The following MLXIP variants were observed in gnomAD, a reference collection of about 807,000 sequenced individuals.
The protein encoded by MLXIP is MLX-interacting protein.
In MLXIP, 30 loss-of-function variants were observed where a neutral mutation model predicts 87.2. That is an observed-to-expected ratio of 0.34 (90% CI 0.26 to 0.47). The LOEUF (loss-of-function observed/expected upper bound fraction) is 0.47. Among genes scored for constraint, MLXIP ranks in the 20% least tolerant of loss-of-function variants. The pLI is 1.00. For missense variants in MLXIP, 1,002 were observed against 1,240.1 expected (o/e 0.81, Z 2.88); for synonymous variants, 530 against 514.0 (o/e 1.03, Z -0.42).
Position 122,137,331 on chromosome 12 carries a change from T to C in MLXIP, c.2033-138T>C, listed in dbSNP as rs547212677. 7.3e-6 allele frequency: 6 copies of C among 817,686 alleles called. No homozygotes were observed. The highest frequency in any genetic ancestry group is 9.2e-6 in the Non-Finnish European group (5 of 546,002). The allele number at this position is 817,686 out of a possible 1,614,324, so 50.7% of individuals were successfully genotyped here. A position where few individuals can be genotyped will look rare whatever the true frequency, so the allele number is the denominator to read the frequency against. On this transcript the variant is annotated intron_variant, in intron 11 of 16. Transcript: ENST00000319080. The surrounding 1 kb of genome is among the most constrained non-coding windows in gnomAD (Gnocchi z 4.1). ...TGAATAAGAATAATCTAAGGAAGCA[T>C]GTGTGTGCAGTTGAAAGAACCAAGT...
At chr12:122,090,264 G>C (rs1421829834) in intron 1 of MLXIP, among the ~76,000 whole-genome samples, 2 of 152,172 alleles carry the variant, frequency 1.3e-5, no homozygotes, top group African/African-American at 4.8e-5. Context: ...GCGAGGCCGA[G>C]GCAGGCAGAT....
chr12:122,123,913 C>T (rs562601823), intron 1 of MLXIP, among the ~76,000 whole-genome samples: 2 of 152,178 alleles, frequency 1.3e-5, no homozygotes, highest in Admixed American at 6.5e-5. Flanking sequence ...GTTCTGCTCA[C>T]TGGGGCCACC....
At chr12:122,124,019 C>G (rs1952827129) in intron 1 of MLXIP, among the ~76,000 whole-genome samples, 1 of 152,182 alleles carries the variant, frequency 6.6e-6, no homozygotes, top group Non-Finnish European at 1.5e-5. Flanking sequence ...AGAAAGCCTC[C>G]CCTCACTGCT....
chr12:122,079,240 C>G lies in MLXIP; in HGVS notation c.387C>G (p.Leu129=). The G allele has an allele frequency of 1.9e-6, 3 of 1,551,058 alleles. No individual in the cohort carries two copies. Among genetic ancestry groups the G allele is most frequent in the Non-Finnish European group, 2.6e-6 (3 of 1,146,678 alleles). Residue 129 remains leucine, a synonymous_variant, in exon 1 of 17, where the codon CTC becomes CTG. Coordinates refer to ENST00000319080, the MANE Select transcript of MLXIP (RefSeq NM_014938.6). ...CCATCGACGCCTCGCTCACCAAGCT[C>G]TTCGAGTGCATGACTTTGGCCTACA... is the stretch of plus-strand genomic sequence containing the variant. The part of the protein sequence containing the change: ...HLSIDASLTK[L]FECMTLAYSG...
chr12:122,086,170 C>T (rs958657076), intron 1 of MLXIP, among the ~76,000 whole-genome samples: 5 of 152,174 alleles, frequency 3.3e-5, no homozygotes, highest in East Asian at 3.9e-4. Flanking sequence ...CTGGGAAGAA[C>T]GCAGCCCTGC....
intron 8 of MLXIP, 26 bp downstream of exon 8, chr12:122,132,409 G>C: frequency 6.4e-7 from 1 of 1,573,724 alleles, no homozygotes; most frequent in Non-Finnish European, 8.7e-7. Context: ...GGATGGGTGG[G>C]GGAAGGGGCT....
chr12:122,090,264 G>A (rs1421829834), intron 1 of MLXIP, among the ~76,000 whole-genome samples: 1 of 152,172 alleles, frequency 6.6e-6, no homozygotes, highest in Non-Finnish European at 1.5e-5. Context: ...GCGAGGCCGA[G>A]GCAGGCAGAT....
intron 1 of MLXIP, among the ~76,000 whole-genome samples, chr12:122,097,628 G>C (rs560241378): frequency 7.1e-6 from 1 of 140,930 alleles, no homozygotes; most frequent in South Asian, 2.3e-4. Context: ...AAAAAAAAAA[G>C]TAATTAATTA....
At chr12:122,138,390 G>A in intron 13 of MLXIP, 34 bp from the exon 14 acceptor site, 2 of 1,611,168 alleles carry the variant, frequency 1.2e-6, no homozygotes, top group Non-Finnish European at 1.7e-6. Flanking sequence ...TGCTGGCTGT[G>A]GGTGCTGCCT....
At position 122,142,082 on chromosome 12, in the gene MLXIP, A is replaced by G; in HGVS notation, c.*270A>G. The G allele has an allele frequency of 2.9e-6, 2 of 691,056 alleles. No individual in the cohort carries two copies. The highest frequency in any genetic ancestry group is 2.7e-5 in the East Asian group (1 of 37,070). 42.8% of individuals were successfully genotyped at this position (691,056 alleles called of 1,614,324 possible). A position where few individuals can be genotyped will look rare whatever the true frequency, so the allele number is the denominator to read the frequency against. Reference sequence around the variant, plus strand: ...ACCTCCTCTGCCCTCGGGGCAGCCCACACAAAAGGGAAGTGCTGGCCGTGC... The same window carrying G: ...ACCTCCTCTGCCCTCGGGGCAGCCCGCACAAAAGGGAAGTGCTGGCCGTGC... On this transcript the variant is annotated 3_prime_UTR_variant, in exon 17 of 17. Transcript: ENST00000319080.
intron 1 of MLXIP, among the ~76,000 whole-genome samples, chr12:122,101,912 A>G (rs958888008): frequency 6.6e-6 from 1 of 152,174 alleles, no homozygotes; most frequent in Non-Finnish European, 1.5e-5. Context: ...TTTAGCTTTT[A>G]CATTTAGGAT....
chr12:122,085,315 G>A lies in MLXIP; in HGVS notation c.413+6049G>A, dbSNP rs566999786. On this transcript the variant is annotated intron_variant, in intron 1 of 16. Coordinates refer to ENST00000319080, the MANE Select transcript of MLXIP (RefSeq NM_014938.6). Reference sequence around the variant, plus strand: ...TTTGACTTCCGCGCTAAGCCTAACAGCTTCGGCACATCCTAGGAGATTAAG... The same window carrying A: ...TTTGACTTCCGCGCTAAGCCTAACAACTTCGGCACATCCTAGGAGATTAAG... 5.9e-5 allele frequency among the ~76,000 whole-genome samples: 9 copies of A among 152,264 alleles called. No individual in the cohort carries two copies. In the East Asian group the frequency reaches 1.7e-3, roughly 29 times the overall value.
In MLXIP at chr12:122,113,681, C is replaced by T. The variant is rs866546095; in HGVS notation, c.414-13575C>T. Reference sequence around the variant, plus strand: ...ACAGTCCATATAACTGCCTTCATTTCTTTTTTTTTTTTTTTTTTTTTGAGA... The same window carrying T: ...ACAGTCCATATAACTGCCTTCATTTTTTTTTTTTTTTTTTTTTTTTTGAGA... On this transcript the variant is annotated intron_variant, in intron 1 of 16. Transcript: ENST00000319080. 2.1e-3 allele frequency among the ~76,000 whole-genome samples: 216 copies of T among 100,600 alleles called. 2 individuals carry two copies. Among genetic ancestry groups the T allele is most frequent in the Middle Eastern group, 0.011 (1 of 94 alleles). 66.0% of individuals were successfully genotyped at this position (100,600 alleles called of 152,430 possible).
rs1953144522 is a variant in MLXIP, at chr12:122,138,865, A to C, written c.2435A>C (p.Gln812Pro). The change falls in exon 15 of 17, where the codon CAG becomes CCG. Residue 812 changes from glutamine (Q) to proline (P), a missense_variant. Coordinates refer to ENST00000319080, the MANE Select transcript of MLXIP (RefSeq NM_014938.6). ...PATGVPVTRR[Q>P]FDHMKDMFDE... ...ACGGGAGTCCCCGTTACCCGGCGCCAGTTTGATCACATGAAAGACATGTTT... is the reference window on the plus strand; with the variant it reads ...ACGGGAGTCCCCGTTACCCGGCGCCCGTTTGATCACATGAAAGACATGTTT... 2 of 1,613,892 alleles carry C rather than the reference A, an allele frequency of 1.2e-6. No homozygotes were observed. Among genetic ancestry groups the C allele is most frequent in the Non-Finnish European group, 1.7e-6 (2 of 1,179,898 alleles).
rs749246326 is a variant in MLXIP at position 122,133,875 on chromosome 12, C to T, written c.1620C>T (p.His540=). 9 of 1,612,384 alleles carry T rather than the reference C, an allele frequency of 5.6e-6. No homozygotes were observed. Among genetic ancestry groups the T allele is most frequent in the Non-Finnish European group, 7.6e-6 (9 of 1,179,362 alleles). ...RPPQPRLTFV[H]PKPVSLTGGR... ...CCCAGCCACGGTTAACTTTTGTGCA[C>T]CCCAAACCTGTATCCTTGACTGGGG... The change falls in exon 9 of 17, where the codon CAC becomes CAT. Residue 540 remains histidine, a synonymous_variant. Coordinates refer to ENST00000319080, the MANE Select transcript of MLXIP (RefSeq NM_014938.6). The surrounding 1 kb of genome is among the most constrained non-coding windows in gnomAD (Gnocchi z 4.9).
At position 122,137,253 on chromosome 12, in the gene MLXIP, G is replaced by T; in HGVS notation, c.2033-216G>T. On this transcript the variant is annotated intron_variant, in intron 11 of 16. Coordinates refer to ENST00000319080, the MANE Select transcript of MLXIP (RefSeq NM_014938.6). The surrounding 1 kb of genome is among the most constrained non-coding windows in gnomAD (Gnocchi z 4.1). Reference sequence around the variant, plus strand: ...ACACAGGGTTGCTCCATCGTGTTCTGTGTGGATTAAGGGTGTTTTTGTTGT... The same window carrying T: ...ACACAGGGTTGCTCCATCGTGTTCTTTGTGGATTAAGGGTGTTTTTGTTGT... 2.2e-6 allele frequency: 1 copy of T among 460,334 alleles called. No homozygotes were observed. Among genetic ancestry groups the T allele is most frequent in the Non-Finnish European group, 3.7e-6 (1 of 267,076 alleles). 28.5% of individuals were successfully genotyped at this position (460,334 alleles called of 1,614,324 possible). A position where few individuals can be genotyped will look rare whatever the true frequency, so the allele number is the denominator to read the frequency against.
chr12:122,108,872 C>A (rs1264048475), intron 1 of MLXIP, among the ~76,000 whole-genome samples: 2 of 152,148 alleles, frequency 1.3e-5, no homozygotes, highest in Non-Finnish European at 2.9e-5. Context: ...TTCCAGGAGG[C>A]CTTCAAGCAG....
In MLXIP at chr12:122,130,883, T is replaced by G; in HGVS notation, c.950T>G (p.Ile317Ser). The part of the protein sequence containing the change: ...GNADMIQPGL[I>S]PLQPNLDFMD... ...GCAGACATGATCCAGCCGGGACTGA[T>G]TCCTTTGCAGCCTAACCTGGACTTC... The change falls in exon 7 of 17, where the codon ATT (isoleucine) becomes AGT (serine). Residue 317 changes from isoleucine to serine, a missense_variant. Ile to Ser is a moderately radical substitution (Grantham distance 142, BLOSUM62 -2). Transcript: ENST00000319080. 3 of 1,613,866 alleles carry G rather than the reference T, an allele frequency of 1.9e-6. No homozygotes were observed. The highest frequency in any genetic ancestry group is 2.5e-6 in the Non-Finnish European group (3 of 1,179,794).
chr12:122,102,506 C>T (rs1952452753), intron 1 of MLXIP, among the ~76,000 whole-genome samples: 1 of 152,128 alleles, frequency 6.6e-6, no homozygotes, highest in African/African-American at 2.4e-5. Flanking sequence ...CTGGCAACTC[C>T]CCAACACATT....
Sources: gnomAD v4.1 joint callset for allele counts (sites outside exome capture counted in the v4.1 genomes callset) on GRCh38, gnomAD v4.1.1 for gene constraint, Gnocchi (gnomAD v3.1) non-coding constraint, MANE v1.5 for transcripts, NCBI Gene and HGNC (gene_info 2026-07-23, HGNC 2026-07-21) for gene names.